DHRS1: variants seen among roughly 807,000 people sequenced by gnomAD.
DHRS1 encodes dehydrogenase/reductase SDR family member 1.
Under a neutral mutation model 35.2 loss-of-function variants are expected in DHRS1, and 34 were observed. The observed-to-expected ratio is 0.97, with a 90% confidence interval of 0.74 to 1.29. The LOEUF (loss-of-function observed/expected upper bound fraction) is 1.29. DHRS1 is among the 50% of genes most tolerant of loss of function. DHRS1 has a pLI of 0.00. For synonymous variants in DHRS1, 133 were observed against 160.0 expected (o/e 0.83, Z 1.27); for missense variants, 354 against 403.6 (o/e 0.88, Z 1.05).
Position 24,292,705 on chromosome 14 carries a change from G to C in DHRS1, c.454C>G (p.Pro152Ala). The C allele has an allele frequency of 6.2e-7, 1 of 1,614,208 alleles. No homozygotes were observed. The highest frequency in any genetic ancestry group is 1.1e-5 in the South Asian group (1 of 91,088). The change falls in exon 5 of 9, where the codon CCA becomes GCA. Residue 152 changes from proline (P) to alanine (A), a missense_variant. Physicochemically the swap from Pro to Ala is conservative, Grantham distance 27. Coordinates refer to ENST00000288111, the MANE Select transcript of DHRS1 (RefSeq NM_001136050.3). ...GQGLIVVISS[P>A]GSLQYMFNVP... The stretch of plus-strand genomic sequence containing the variant: ...TTGAACATATACTGCAGGCTTCCTG[G>C]GGAGGAGATGACCACGATGAGCCCC...
intron 1 of DHRS1, 141 bp from the exon 2 acceptor site, chr14:24,299,271 G>A: frequency 5.3e-6 from 4 of 759,712 alleles, no homozygotes; most frequent in Non-Finnish European, 8.2e-6. Context: ...GGAGTCAGAG[G>A]CTGACAACTG....
intron 2 of DHRS1, chr14:24,298,734 C>A (rs1185150096): frequency 7.6e-6 from 4 of 526,396 alleles, no homozygotes; most frequent in Admixed American, 7.3e-5. Context: ...AACGTGCCAC[C>A]ATGCCTGGCT....
intron 6 of DHRS1, 82 bp from the exon 7 acceptor site, chr14:24,291,707 AG>A: frequency 7.0e-7 from 1 of 1,435,416 alleles, no homozygotes; most frequent in Non-Finnish European, 9.8e-7. Flanking sequence ...CTTCTGTTCC[AG>A]GAGAAAAAGA....
chr14:24,292,586 C>T (rs2041180097), intron 5 of DHRS1, 66 bp downstream of exon 5: 5 of 1,613,072 alleles, frequency 3.1e-6, no homozygotes, highest in Non-Finnish European at 4.2e-6. Flanking sequence ...GGGGATTGTA[C>T]CTCCTGAGCT....
chr14:24,295,832 A>G (rs1053044898), intron 4 of DHRS1, among the ~76,000 whole-genome samples: 4 of 152,198 alleles, frequency 2.6e-5, no homozygotes, highest in Non-Finnish European at 4.4e-5. Flanking sequence ...GTGTTCTTAC[A>G]TGCTTTAGTC....
At chr14:24,291,326 C>A in intron 7 of DHRS1, 107 bp from the exon 8 acceptor site, 1 of 1,235,392 alleles carries the variant, frequency 8.1e-7, no homozygotes, top group Non-Finnish European at 1.2e-6. Flanking sequence ...AGCTCAGGAT[C>A]CCTGGAGAGC....
chr14:24,290,983 T>C lies in DHRS1; in HGVS notation c.818A>G (p.Gln273Arg). 1 of 1,614,110 alleles carries C rather than the reference T, an allele frequency of 6.2e-7. No individual in the cohort carries two copies. Among genetic ancestry groups the C allele is most frequent in the Non-Finnish European group, 8.5e-7 (1 of 1,180,008 alleles). The change falls in exon 9 of 9, where the codon CAA becomes CGA. Residue 273 changes from glutamine (Q) to arginine (R), a missense_variant. Physicochemically the swap from Gln to Arg is conservative, Grantham distance 43. Transcript: ENST00000288111. ...GLRDVDGRPVQDYLSLSSVLS... is the reference protein window; with the variant it reads ...GLRDVDGRPVRDYLSLSSVLS... ...AACAGAGCTCAAAGACAAATAGTCTTGGACGGGGCGGCCTGGGAACAACAG... is the reference window on the plus strand; with the variant it reads ...AACAGAGCTCAAAGACAAATAGTCTCGGACGGGGCGGCCTGGGAACAACAG...
At chr14:24,291,103 A>T in intron 8 of DHRS1, 36 bp downstream of exon 8, 1 of 1,613,804 alleles carries the variant, frequency 6.2e-7, no homozygotes, top group Non-Finnish European at 8.5e-7. Context: ...CAGAGGGAAC[A>T]GCAGTCAAGG....
chr14:24,292,749 A>T lies in DHRS1; in HGVS notation c.410T>A (p.Leu137Gln). 6.2e-7 allele frequency: 1 copy of T among 1,614,218 alleles called. No individual in the cohort carries two copies. The highest frequency in any genetic ancestry group is 8.5e-7 in the Non-Finnish European group (1 of 1,180,006). The change falls in exon 5 of 9, where the codon CTG becomes CAG. Residue 137 changes from leucine to glutamine, a missense_variant. Physicochemically the swap from Leu to Gln is moderately radical, Grantham distance 113 (BLOSUM62 -2). Transcript: ENST00000288111. ...HYFCSVYGARLMVPAGQGLIV... is the reference protein window; with the variant it reads ...HYFCSVYGARQMVPAGQGLIV... ...GAGCCCCTGGCCAGCTGGTACCATCAGCCGTGCCCCATACACTGAGCAAAA... is the reference window on the plus strand; with the variant it reads ...GAGCCCCTGGCCAGCTGGTACCATCTGCCGTGCCCCATACACTGAGCAAAA...
At position 24,299,049 on chromosome 14, in the gene DHRS1, C is replaced by T. The variant is rs778189762; in HGVS notation, c.58G>A (p.Gly20Ser). ...CVVTGASRGI[G>S]RGIALQLCKA... is the part of the protein sequence containing the mutation. The stretch of plus-strand genomic sequence containing the variant: ...CAGAGCTGCAAGGCAATGCCACGGC[C>T]AATACCCCTGGAGGCACCAGTCACC... Residue 20 changes from glycine (G) to serine (S), a missense_variant, in exon 2 of 9, where the codon GGC (glycine) becomes AGC (serine). By Grantham distance (56) the Gly-to-Ser change is moderately conservative (BLOSUM62 0). Coordinates refer to ENST00000288111, the MANE Select transcript of DHRS1 (RefSeq NM_001136050.3). The T allele has an allele frequency of 2.5e-6, 4 of 1,613,958 alleles. No individual in the cohort carries two copies. The highest frequency in any genetic ancestry group is 3.4e-6 in the Non-Finnish European group (4 of 1,179,978).
chr14:24,296,028 ACCCAGTG>A (rs2041242421), intron 4 of DHRS1, among the ~76,000 whole-genome samples: 1 of 152,144 alleles, frequency 6.6e-6, no homozygotes, highest in African/African-American at 2.4e-5. Flanking sequence ...ACCCTGTGTG[ACCCAGTG>A]ATGTACCTGC....
chr14:24,298,526 G>A (rs1422846498), intron 2 of DHRS1, among the ~76,000 whole-genome samples: 1 of 152,148 alleles, frequency 6.6e-6, no homozygotes, highest in Non-Finnish European at 1.5e-5. Flanking sequence ...GAAAGCACAG[G>A]TCCACAACCC....
chr14:24,299,194 G>A lies in DHRS1; in HGVS notation c.-24-64C>T, dbSNP rs147277524. 2.7e-4 allele frequency: 385 copies of A among 1,435,140 alleles called. 2 individuals are homozygous for A. The East Asian group carries it at 8.8e-3, about 33-fold the overall frequency. 88.9% of individuals were successfully genotyped at this position (1,435,140 alleles called of 1,614,324 possible). ...ACTGTGTGTGTGTTGGGGCGAGGTT[G>A]GGGGGTAGGGGAGAACCTCACTAGG... is the stretch of plus-strand genomic sequence containing the variant. On this transcript the variant is annotated intron_variant, in intron 1 of 8. Coordinates refer to ENST00000288111, the MANE Select transcript of DHRS1 (RefSeq NM_001136050.3).
At chr14:24,297,098 G>A (rs1328058620) in intron 2 of DHRS1, among the ~76,000 whole-genome samples, 1 of 152,250 alleles carries the variant, frequency 6.6e-6, no homozygotes, top group East Asian at 1.9e-4. Context: ...GAATTGCAAT[G>A]TAAGTTTTAA....
intron 4 of DHRS1, chr14:24,294,628 A>T (rs1167249735): frequency 7.2e-6 from 1 of 139,418 alleles, no homozygotes; most frequent in Non-Finnish European, 1.6e-5. Context: ...ACAACAACAG[A>T]CGAGTGGGGG....
In DHRS1 at chr14:24,292,329, C is replaced by A; in HGVS notation, c.509G>T (p.Cys170Phe). 6.2e-7 allele frequency: 1 copy of A among 1,613,986 alleles called. No homozygotes were observed. Among genetic ancestry groups the A allele is most frequent in the Non-Finnish European group, 8.5e-7 (1 of 1,180,020 alleles). ...NVPYGVGKAA[C>F]DKLAADCAHE... Reference sequence around the variant, plus strand: ...GGCACAGTCAGCAGCCAGCTTGTCACACTGTGGAGAGGCGGAAGGCAGGGT... The same window carrying A: ...GGCACAGTCAGCAGCCAGCTTGTCAAACTGTGGAGAGGCGGAAGGCAGGGT... The change falls in exon 6 of 9, where the codon TGT (cysteine) becomes TTT (phenylalanine). Residue 170 changes from cysteine (C) to phenylalanine (F), a missense_variant and splice_region_variant. By Grantham distance (205) the Cys-to-Phe change is radical. Coordinates refer to ENST00000288111, the MANE Select transcript of DHRS1 (RefSeq NM_001136050.3).
Position 24,290,773 on chromosome 14 carries a change from A to G in DHRS1, c.*86T>C, listed in dbSNP as rs2041144055. On this transcript the variant is annotated 3_prime_UTR_variant, in exon 9 of 9. Transcript: ENST00000288111. ...TTCATATCAAGGGTATGGGTAAACAAGAAAGGCTGCTGTTTCACTGAGACA... is the reference window on the plus strand; with the variant it reads ...TTCATATCAAGGGTATGGGTAAACAGGAAAGGCTGCTGTTTCACTGAGACA... 2.6e-6 allele frequency: 4 copies of G among 1,555,160 alleles called. No homozygotes were observed. The South Asian group carries it at 3.4e-5, about 13-fold the overall frequency.
chr14:24,294,606 A>ACAG (rs1352168960), intron 4 of DHRS1: 1 of 151,974 alleles, frequency 6.6e-6, no homozygotes, highest in Non-Finnish European at 1.5e-5. Flanking sequence ...AACAACAACA[A>ACAG]CAACAACAAC....
intron 4 of DHRS1, chr14:24,293,487 T>C (rs1222341424): frequency 1.3e-5 from 2 of 152,118 alleles, no homozygotes; most frequent in East Asian, 1.9e-4. Context: ...GGCAGGAGGA[T>C]CTCTTGAGCC....
Sources: gnomAD v4.1 joint callset for allele counts (sites outside exome capture counted in the v4.1 genomes callset) on GRCh38, gnomAD v4.1.1 for gene constraint, MANE v1.5 for transcripts, NCBI Gene and HGNC (gene_info 2026-07-23, HGNC 2026-07-21) for gene names.